The following NUDT18 variants were observed in gnomAD, a reference collection of about 807,000 sequenced individuals.
NUDT18 encodes 8-oxo-dGDP phosphatase NUDT18.
In NUDT18, 26 loss-of-function variants were observed where a neutral mutation model predicts 27.6. That is an observed-to-expected ratio of 0.94 (90% confidence interval 0.69 to 1.31). The LOEUF (loss-of-function observed/expected upper bound fraction) is 1.31. NUDT18 is among the 50% of genes most tolerant of loss of function. The pLI, the probability that NUDT18 is intolerant of heterozygous loss-of-function variation, is 0.00. For synonymous variants in NUDT18, 220 were observed against 196.9 expected (o/e 1.12, Z -0.98); for missense variants, 450 against 433.4 (o/e 1.04, Z -0.34).
At chr8:22,109,425 G>A (rs1826431401), upstream of NUDT18, 1 of 911,302 alleles carries the variant, frequency 1.1e-6, no homozygotes, top group Non-Finnish European at 1.5e-6. Flanking sequence ...ACGAGAACGC[G>A]GAAGCGCACG....
Position 22,107,866 on chromosome 8 carries a change from C to T in NUDT18, c.406G>A (p.Asp136Asn), listed in dbSNP as rs1230928836. The T allele has an allele frequency of 1.3e-6, 2 of 1,594,416 alleles. No homozygotes were observed. Residue 136 changes from aspartate to asparagine, a missense_variant, in exon 3 of 3, where the codon GAT becomes AAT. Asp to Asn is a conservative substitution (Grantham distance 23, BLOSUM62 1). Coordinates refer to ENST00000611621, the MANE Select transcript of NUDT18 (RefSeq NM_024815.4). ...GGILKTSKEA[D>N]AESLQAAWYP... ...CAGGCAGCCTGCAGGGACTCCGCATCGGCCTCCTTGGAAGTCTTGAGAATT... is the reference window on the plus strand; with the variant it reads ...CAGGCAGCCTGCAGGGACTCCGCATTGGCCTCCTTGGAAGTCTTGAGAATT...
At chr8:22,108,628 GTGTC>G (rs1195545337) in intron 1 of NUDT18, among the ~76,000 whole-genome samples, 3 of 152,222 alleles carry the variant, frequency 2.0e-5, no homozygotes, top group Non-Finnish European at 2.9e-5. Context: ...GGGTCACCAT[GTGTC>G]TGTCTGTCTT....
upstream of NUDT18, among the ~76,000 whole-genome samples, chr8:22,110,345 A>C (rs7821323): frequency 0.56 from 84,695 of 152,166 alleles, 24,309 homozygotes; most frequent in Middle Eastern, 0.7. Context: ...CCTTCACCCC[A>C]CCTCAGCACT....
upstream of NUDT18, chr8:22,109,575 G>C (rs991715977): frequency 3.8e-5 from 20 of 523,510 alleles, no homozygotes; most frequent in Non-Finnish European, 6.5e-5. Context: ...GCACGGGTCC[G>C]GAGCCCAGCG....
In NUDT18 at chr8:22,107,697, A is replaced by T; in HGVS notation, c.575T>A (p.Leu192His). The stretch of plus-strand genomic sequence containing the variant: ...CTGGGCGCTGGTAAAGGTAGCCACG[A>T]GCCGCTGGCAGACCAGATCACAGGG... Reference protein sequence around the residue: ...ELPCDLVCQRLVATFTSAQTV... With the variant: ...ELPCDLVCQRHVATFTSAQTV... Residue 192 changes from leucine to histidine, a missense_variant, in exon 3 of 3, where the codon CTC becomes CAC. Transcript: ENST00000611621. The T allele has an allele frequency of 6.2e-7, 1 of 1,613,112 alleles. No individual in the cohort carries two copies.
chr8:22,107,102 C>T lies in NUDT18; in HGVS notation c.*198G>A, dbSNP rs11557549. On this transcript the variant is annotated 3_prime_UTR_variant, in exon 3 of 3. Coordinates refer to ENST00000611621, the MANE Select transcript of NUDT18 (RefSeq NM_024815.4). ...GTCAGGTCCTGAGCTTTGGACTCCT[C>T]GCTTGGTTAAAGGCACTGTCCCTTG... 28 of 572,976 alleles carry T rather than the reference C, an allele frequency of 4.9e-5. No homozygotes were observed. In the South Asian group the frequency reaches 5.0e-4, roughly 10 times the overall value. 35.5% of individuals were successfully genotyped at this position (572,976 alleles called of 1,614,324 possible).
In NUDT18 at chr8:22,107,863, C is replaced by A. The variant is rs749610003; in HGVS notation, c.409G>T (p.Ala137Ser). The part of the protein sequence containing the change: ...GILKTSKEAD[A>S]ESLQAAWYPR... ...TACCAGGCAGCCTGCAGGGACTCCG[C>A]ATCGGCCTCCTTGGAAGTCTTGAGA... Residue 137 changes from alanine to serine, a missense_variant, in exon 3 of 3, where the codon GCG (alanine) becomes TCG (serine). Ala to Ser is a moderately conservative substitution (Grantham distance 99). Coordinates refer to ENST00000611621, the MANE Select transcript of NUDT18 (RefSeq NM_024815.4). 1 of 1,596,254 alleles carries A rather than the reference C, an allele frequency of 6.3e-7. No individual in the cohort carries two copies. Among genetic ancestry groups the A allele is most frequent in the South Asian group, 1.1e-5 (1 of 88,824 alleles).
At chr8:22,110,301 G>A (rs1177747399), upstream of NUDT18, among the ~76,000 whole-genome samples, 1 of 152,320 alleles carries the variant, frequency 6.6e-6, no homozygotes, top group African/African-American at 2.4e-5. Context: ...TGGTTGTGGC[G>A]AGCGCCTGCT....
In NUDT18 at chr8:22,109,128, C is replaced by A; in HGVS notation, c.162+11G>T. 2.1e-6 allele frequency: 3 copies of A among 1,408,980 alleles called. No individual in the cohort carries two copies. The highest frequency in any genetic ancestry group is 1.8e-6 in the Non-Finnish European group (2 of 1,092,868). The allele number at this position is 1,408,980 out of a possible 1,614,324, so 87.3% of individuals were successfully genotyped here. A position where few individuals can be genotyped will look rare whatever the true frequency, so the allele number is the denominator to read the frequency against. On this transcript the variant is annotated intron_variant, in intron 1 of 2. Transcript: ENST00000611621. ...TCCCGAGGCCCGGCGGGCCCGGGGGCGGCCGCTCACCTGCTCGCTGAGGAA... is the reference window on the plus strand; with the variant it reads ...TCCCGAGGCCCGGCGGGCCCGGGGGAGGCCGCTCACCTGCTCGCTGAGGAA...
upstream of NUDT18, chr8:22,109,732 C>A (rs902811432): frequency 8.7e-6 from 4 of 457,574 alleles, no homozygotes; most frequent in South Asian, 4.7e-5. Context: ...GTTGCGCCGC[C>A]GGGGTAGGCG....
chr8:22,109,589 C>A (rs1826436523), upstream of NUDT18: 2 of 518,162 alleles, frequency 3.9e-6, no homozygotes, highest in Non-Finnish European at 7.4e-6. Context: ...CCCAGCGGAC[C>A]CCGCCCGGCT....
chr8:22,109,318 G>A lies in NUDT18; in HGVS notation c.-18C>T, dbSNP rs1480639608. 1.5e-6 allele frequency: 2 copies of A among 1,334,272 alleles called. No homozygotes were observed. Among genetic ancestry groups the A allele is most frequent in the African/African-American group, 1.7e-5 (1 of 59,996 alleles). 82.7% of individuals were successfully genotyped at this position (1,334,272 alleles called of 1,614,324 possible). On this transcript the variant is annotated 5_prime_UTR_variant, in exon 1 of 3. Coordinates refer to ENST00000611621, the MANE Select transcript of NUDT18 (RefSeq NM_024815.4). ...GAGGCCATCGGGTCCCCCGGGGGGCGGCGGGCCGGATCCTCGCAGACCGAC... is the reference window on the plus strand; with the variant it reads ...GAGGCCATCGGGTCCCCCGGGGGGCAGCGGGCCGGATCCTCGCAGACCGAC...
Position 22,107,594 on chromosome 8 carries a change from C to A in NUDT18, c.678G>T (p.Gln226His), listed in dbSNP as rs370799751. The A allele has an allele frequency of 1.2e-6, 2 of 1,613,304 alleles. No individual in the cohort carries two copies. Among genetic ancestry groups the A allele is most frequent in the African/African-American group, 2.7e-5 (2 of 75,046 alleles). Reference protein sequence around the residue: ...VTACGLDPMEQRGGMKMAVLR... With the variant: ...VTACGLDPMEHRGGMKMAVLR... ...GGACGGCCATCTTCATGCCACCCCTCTGCTCCATAGGGTCGAGGCCACAGG... is the reference window on the plus strand; with the variant it reads ...GGACGGCCATCTTCATGCCACCCCTATGCTCCATAGGGTCGAGGCCACAGG... The change falls in exon 3 of 3, where the codon CAG becomes CAT. Residue 226 changes from glutamine to histidine, a missense_variant. Physicochemically the swap from Gln to His is conservative, Grantham distance 24 (BLOSUM62 0). Coordinates refer to ENST00000611621, the MANE Select transcript of NUDT18 (RefSeq NM_024815.4).
At chr8:22,110,457 T>A (rs1221740084), upstream of NUDT18, among the ~76,000 whole-genome samples, 1 of 152,242 alleles carries the variant, frequency 6.6e-6, no homozygotes, top group African/African-American at 2.4e-5. Flanking sequence ...TTTGTGCGCC[T>A]CCCTGCTAGG....
At chr8:22,108,431 ACT>A (rs1400880414) in intron 1 of NUDT18, 85 bp from the exon 2 acceptor site, 5 of 1,239,910 alleles carry the variant, frequency 4.0e-6, no homozygotes, top group East Asian at 2.7e-5. Context: ...GTCGCCCAAG[ACT>A]CCCCTCTGGG....
At position 22,108,999 on chromosome 8, in the gene NUDT18, CGAGTGG is replaced by C. The variant is rs540938627; in HGVS notation, c.162+134_162+139del. On this transcript the variant is annotated intron_variant, in intron 1 of 2. Transcript: ENST00000611621. ...TCGGGACGAACGCAGGACACAGATG[CGAGTGG>C]GAGTGGGAGTGCTTTGCAAAACTGG... 2,934 of 549,632 alleles carry C rather than the reference CGAGTGG, an allele frequency of 5.3e-3. 18 individuals are homozygous for C. The highest frequency in any genetic ancestry group is 0.017 in the South Asian group (488 of 29,248). The allele number at this position is 549,632 out of a possible 1,614,324, so 34.0% of individuals were successfully genotyped here. A position where few individuals can be genotyped will look rare whatever the true frequency, so the allele number is the denominator to read the frequency against.
chr8:22,108,302 C>T lies in NUDT18; in HGVS notation c.207G>A (p.Gly69=). 6.3e-7 allele frequency: 1 copy of T among 1,589,704 alleles called. No homozygotes were observed. Among genetic ancestry groups the T allele is most frequent in the Non-Finnish European group, 8.5e-7 (1 of 1,169,712 alleles). ...TTCTCCCCGCAGGCAGGTACCACGA[C>T]CCCCGGCACTCCCTCTTGGCCTCCT... The part of the protein sequence containing the change: ...LIQEAKRECR[G]SWYLPAGRME... The change falls in exon 2 of 3, where the codon GGG becomes GGA. Residue 69 remains glycine (G), a synonymous_variant. Coordinates refer to ENST00000611621, the MANE Select transcript of NUDT18 (RefSeq NM_024815.4).
intron 1 of NUDT18, 140 bp downstream of exon 1, chr8:22,108,999 C>A (rs1826416031): frequency 3.6e-6 from 2 of 549,550 alleles, no homozygotes; most frequent in South Asian, 6.8e-5. Context: ...GACACAGATG[C>A]GAGTGGGAGT....
Position 22,107,280 on chromosome 8 carries a change from C to G in NUDT18, c.*20G>C. The G allele has an allele frequency of 7.7e-6, 12 of 1,549,500 alleles. No individual in the cohort carries two copies. Among genetic ancestry groups the G allele is most frequent in the Non-Finnish European group, 1.0e-5 (12 of 1,143,858 alleles). On this transcript the variant is annotated 3_prime_UTR_variant, in exon 3 of 3. Coordinates refer to ENST00000611621, the MANE Select transcript of NUDT18 (RefSeq NM_024815.4). ...GGAGGGAGCACGGCTGCCTAGCTCC[C>G]TGTCACCTCCCCCACCTCTCTATCT...
Sources: gnomAD v4.1 joint callset for allele counts (sites outside exome capture counted in the v4.1 genomes callset) on GRCh38, gnomAD v4.1.1 for gene constraint, MANE v1.5 for transcripts, NCBI Gene and HGNC (gene_info 2026-07-23, HGNC 2026-07-21) for gene names.